Variants in COX5B observed in about 807,000 individuals in gnomAD.
COX5B encodes the protein cytochrome c oxidase subunit 5B, also known as cytochrome c oxidase subunit 5B, mitochondrial.
A neutral mutation model predicts 16.2 loss-of-function variants in COX5B; 8 were observed. The ratio of observed to expected loss-of-function variants is 0.49; its 90% CI spans 0.29 to 0.89. COX5B has a LOEUF of 0.89. Ranked by LOEUF, COX5B falls within the 40% of genes least tolerant of loss-of-function variation. COX5B has a pLI of 0.08. For synonymous variants in COX5B, 65 were observed against 67.6 expected (o/e 0.96, Z 0.19); for missense variants, 161 against 168.7 (o/e 0.95, Z 0.25).
intron 3 of COX5B, 100 bp downstream of exon 3, chr2:97,647,543 GTT>G (rs1185485484): frequency 9.7e-7 from 1 of 1,025,970 alleles, no homozygotes; most frequent in Non-Finnish European, 1.5e-6. Flanking sequence ...ATGTTGGTAA[GTT>G]TGTCTAAGGG....
Position 97,648,115 on chromosome 2 carries a change from G to A in COX5B, c.*7G>A, listed in dbSNP as rs1674689194. The stretch of plus-strand genomic sequence containing the variant: ...CCAGCAGCTGGCACACTGAGCACCT[G>A]CACTAAATTACTCAAAATGTGCTGT... On this transcript the variant is annotated 3_prime_UTR_variant, in exon 4 of 4. Coordinates refer to ENST00000258424, the MANE Select transcript of COX5B (RefSeq NM_001862.3). 1 of 1,585,744 alleles carries A rather than the reference G, an allele frequency of 6.3e-7. No homozygotes were observed. Among genetic ancestry groups the A allele is most frequent in the African/African-American group, 1.4e-5 (1 of 73,176 alleles).
intron 1 of COX5B, 199 bp from the exon 2 acceptor site, chr2:97,646,868 C>A: frequency 2.0e-6 from 1 of 490,472 alleles, no homozygotes; most frequent in Non-Finnish European, 3.7e-6. Context: ...AAAAAAAGCT[C>A]CCCCGAGTGC....
Position 97,646,970 on chromosome 2 carries a change from A to G in COX5B, c.104-97A>G, listed in dbSNP as rs1442018830. 4.7e-6 allele frequency: 6 copies of G among 1,277,826 alleles called. No individual in the cohort carries two copies. The African/African-American group carries it at 5.9e-5, about 13-fold the overall frequency. The allele number at this position is 1,277,826 out of a possible 1,614,324, so 79.2% of individuals were successfully genotyped here. ...CTTGTGAGCCCGCTAAAACTTATAC[A>G]GAAGTTTCGGGGCACCATTTTCCTT... is the stretch of plus-strand genomic sequence containing the variant. On this transcript the variant is annotated intron_variant, in intron 1 of 3. Coordinates refer to ENST00000258424, the MANE Select transcript of COX5B (RefSeq NM_001862.3).
Position 97,647,069 on chromosome 2 carries a change from G to A in COX5B, c.106G>A (p.Gly36Ser). The stretch of plus-strand genomic sequence containing the variant: ...TAATTCACGTTATCTTCCTTTAGGT[G>A]GTGTTCCCACTGATGAAGAGCAGGC... ...AAMRSMASGG[G>S]VPTDEEQATG... Residue 36 changes from glycine to serine, a missense_variant and splice_region_variant, in exon 2 of 4, where the codon GGT becomes AGT. Transcript: ENST00000258424. The A allele has an allele frequency of 6.2e-7, 1 of 1,613,926 alleles. No individual in the cohort carries two copies. The highest frequency in any genetic ancestry group is 8.5e-7 in the Non-Finnish European group (1 of 1,179,834).
At chr2:97,646,870 C>A (rs930447338) in intron 1 of COX5B, 197 bp from the exon 2 acceptor site, 2 of 506,298 alleles carry the variant, frequency 4.0e-6, no homozygotes, top group African/African-American at 1.9e-5. Context: ...AAAAAGCTCC[C>A]CCGAGTGCTG....
rs1477762074 is a variant in COX5B at position 97,648,129 on chromosome 2, A to C, written c.*21A>C. ...ACTGAGCACCTGCACTAAATTACTC[A>C]AAATGTGCTGTAAAGTTTCTTCTTT... On this transcript the variant is annotated 3_prime_UTR_variant, in exon 4 of 4. Coordinates refer to ENST00000258424, the MANE Select transcript of COX5B (RefSeq NM_001862.3). 3 of 1,566,364 alleles carry C rather than the reference A, an allele frequency of 1.9e-6. No homozygotes were observed. Among genetic ancestry groups the C allele is most frequent in the Admixed American group, 2.0e-5 (1 of 49,962 alleles).
At chr2:97,646,559 G>T (rs1674656954) in intron 1 of COX5B, 1 of 228,646 alleles carries the variant, frequency 4.4e-6, no homozygotes, top group Non-Finnish European at 8.7e-6. Flanking sequence ...AGAAAGAAAA[G>T]CTCATAGGCC....
At chr2:97,647,938 T>A in intron 3 of COX5B, 58 bp from the exon 4 acceptor site, 2 of 1,445,908 alleles carry the variant, frequency 1.4e-6, no homozygotes, top group Non-Finnish European at 1.9e-6. Context: ...AAGAAATTCA[T>A]GTTGAAAGTC....
intron 1 of COX5B, 112 bp from the exon 2 acceptor site, chr2:97,646,955 C>T: frequency 2.8e-6 from 3 of 1,053,402 alleles, no homozygotes; most frequent in South Asian, 1.4e-5. Flanking sequence ...CTTGTGAGCC[C>T]GCTAAAACTT....
At chr2:97,646,851 A>G in intron 1 of COX5B, 2 of 437,394 alleles carry the variant, frequency 4.6e-6, no homozygotes, top group Admixed American at 6.9e-5. Context: ...TCCGTCTCAA[A>G]AAAGAAAAAA....
rs1674688423 is a variant in COX5B at position 97,648,074 on chromosome 2, A to G, written c.356A>G (p.His119Arg). The change falls in exon 4 of 4, where the codon CAT (histidine) becomes CGT (arginine). Residue 119 changes from histidine (H) to arginine (R), a missense_variant. Transcript: ENST00000258424. Reference protein sequence around the residue: ...EAQRCPRCGAHYKLVPQQLAH With the variant: ...EAQRCPRCGARYKLVPQQLAH Reference sequence around the variant, plus strand: ...CAGCGATGCCCCCGCTGTGGAGCCCATTACAAGCTGGTGCCCCAGCAGCTG... The same window carrying G: ...CAGCGATGCCCCCGCTGTGGAGCCCGTTACAAGCTGGTGCCCCAGCAGCTG... The G allele has an allele frequency of 6.2e-7, 1 of 1,610,072 alleles. No homozygotes were observed. Among genetic ancestry groups the G allele is most frequent in the African/African-American group, 1.3e-5 (1 of 74,712 alleles).
chr2:97,647,738 G>A (rs1003682933), intron 3 of COX5B, among the ~76,000 whole-genome samples: 5 of 152,132 alleles, frequency 3.3e-5, no homozygotes, highest in African/African-American at 7.2e-5. Flanking sequence ...ATACCAGAAC[G>A]GACCCTGCTT....
At chr2:97,647,180 T>C (rs773480679) in intron 2 of COX5B, 40 bp downstream of exon 2, 56 of 1,599,088 alleles carry the variant, frequency 3.5e-5, no homozygotes, top group Non-Finnish European at 4.2e-5. Context: ...GTGTAACTTA[T>C]GGCCTTGGAT....
chr2:97,648,118 C>CT lies in COX5B; in HGVS notation c.*11dup, dbSNP rs778543410. 2.5e-6 allele frequency: 4 copies of CT among 1,580,754 alleles called. No homozygotes were observed. In the South Asian group the frequency reaches 4.6e-5, roughly 18 times the overall value. On this transcript the variant is annotated 3_prime_UTR_variant, in exon 4 of 4. Coordinates refer to ENST00000258424, the MANE Select transcript of COX5B (RefSeq NM_001862.3). ...GCAGCTGGCACACTGAGCACCTGCA[C>CT]TAAATTACTCAAAATGTGCTGTAAA...
Position 97,646,154 on chromosome 2 carries a change from G to T in COX5B, c.68G>T (p.Ser23Ile). ...CAGGCCCTGAGGGCTCGCGGCCCCA[G>T]TGGCGCGGCCGCGATGCGCTCCATG... ...AAQALRARGP[S>I]GAAAMRSMAS... is the part of the protein sequence containing the mutation. The change falls in exon 1 of 4, where the codon AGT becomes ATT. Residue 23 changes from serine to isoleucine, a missense_variant. By Grantham distance (142) the Ser-to-Ile change is moderately radical. Coordinates refer to ENST00000258424, the MANE Select transcript of COX5B (RefSeq NM_001862.3). The T allele has an allele frequency of 6.4e-7, 1 of 1,553,564 alleles. No homozygotes were observed. The highest frequency in any genetic ancestry group is 8.7e-7 in the Non-Finnish European group (1 of 1,148,274).
intron 1 of COX5B, 128 bp downstream of exon 1, chr2:97,646,317 TCAGGCTCTG>T: frequency 1.6e-6 from 1 of 616,474 alleles, no homozygotes. Context: ...CCCCAGTGCC[TCAGGCTCTG>T]CAGGCATCTC....
intron 3 of COX5B, 96 bp from the exon 4 acceptor site, chr2:97,647,900 T>G (rs1291897568): frequency 9.8e-6 from 10 of 1,016,718 alleles, no homozygotes; most frequent in Non-Finnish European, 1.5e-5. Context: ...ACCATAGTCT[T>G]ACTTGTGTAT....
At position 97,647,976 on chromosome 2, in the gene COX5B, C is replaced by T; in HGVS notation, c.278-20C>T. 1 of 1,609,932 alleles carries T rather than the reference C, an allele frequency of 6.2e-7. No homozygotes were observed. The highest frequency in any genetic ancestry group is 8.5e-7 in the Non-Finnish European group (1 of 1,177,582). On this transcript the variant is annotated intron_variant, in intron 3 of 3. Coordinates refer to ENST00000258424, the MANE Select transcript of COX5B (RefSeq NM_001862.3). ...CCTTTCTAGGTTGGATGACCATAAA[C>T]CACCTTTTTTCCCTTTTAGGTGAAG...
In COX5B at chr2:97,647,410, T is replaced by TC. The variant is rs1559285026; in HGVS notation, c.246dup (p.Ile83HisfsTer12). The stretch of plus-strand genomic sequence containing the variant: ...CAGGGAAGACCCTAATTTAGTCCCC[T>TC]CCATCTCCAACAAGAGAATAGTAGG... On this transcript the variant is annotated frameshift_variant, in exon 3 of 4. Transcript: ENST00000258424. LOFTEE classifies it high-confidence loss of function. 6.2e-7 allele frequency: 1 copy of TC among 1,614,156 alleles called. No individual in the cohort carries two copies. The highest frequency in any genetic ancestry group is 8.5e-7 in the Non-Finnish European group (1 of 1,179,984).
Sources: gnomAD v4.1 joint callset for allele counts (sites outside exome capture counted in the v4.1 genomes callset) on GRCh38, gnomAD v4.1.1 for gene constraint, MANE v1.5 for transcripts, NCBI Gene and HGNC (gene_info 2026-07-23, HGNC 2026-07-21) for gene names.